The following DNAI2 variants were observed in gnomAD, a reference collection of about 807,000 sequenced individuals.
DNAI2 encodes dynein, axonemal, intermediate polypeptide 2.
A neutral mutation model predicts 74.7 loss-of-function variants in DNAI2; 63 were observed. The ratio of observed to expected loss-of-function variants is 0.84; its 90% CI spans 0.69 to 1.04. The LOEUF (loss-of-function observed/expected upper bound fraction) is 1.04, where lower values mean the gene tolerates loss of function less well. DNAI2 is among the 50% of genes least tolerant of loss of function. The pLI is 0.00. For synonymous variants in DNAI2, 289 were observed against 314.9 expected (o/e 0.92, Z 0.87); for missense variants, 688 against 803.2 (o/e 0.86, Z 1.73).
chr17:74,312,655 C>T (rs143664787), intron 12 of DNAI2, among the ~76,000 whole-genome samples: 2 of 152,272 alleles, frequency 1.3e-5, no homozygotes, highest in East Asian at 3.9e-4. Flanking sequence ...GCTGGCTTAC[C>T]CAGGTTTGGT....
rs761171314 is a variant in DNAI2 at position 74,289,715 on chromosome 17, G to A, written c.589G>A (p.Asp197Asn). The change falls in exon 5 of 14, where the codon GAT (aspartate) becomes AAT (asparagine). Residue 197 changes from aspartate (D) to asparagine (N), a missense_variant. Transcript: ENST00000311014. The stretch of plus-strand genomic sequence containing the variant: ...GCGGGCACCTGTGGGCATGAGCAGC[G>A]ATTCATACATCTGGGACCTGGGTGA... Reference protein sequence around the residue: ...FQRAPVGMSSDSYIWDLENPN... With the variant: ...FQRAPVGMSSNSYIWDLENPN... 25 of 1,613,876 alleles carry A rather than the reference G, an allele frequency of 1.5e-5. No individual in the cohort carries two copies. Among genetic ancestry groups the A allele is most frequent in the East Asian group, 6.7e-5 (3 of 44,880 alleles).
intron 9 of DNAI2, among the ~76,000 whole-genome samples, chr17:74,306,344 C>G (rs1035264029): frequency 1.5e-4 from 23 of 152,194 alleles, no homozygotes; most frequent in Admixed American, 6.5e-5. Flanking sequence ...CCTTTCTCCT[C>G]CTCCCCTTCA....
In DNAI2 at chr17:74,309,358, C is replaced by A. The variant is rs199524166; in HGVS notation, c.1317C>A (p.Phe439Leu). ...CCCTGGATATCTGGGACTTCATGTT[C>A]GAGCAGTGCGATCCCACCCTCAGCT... is the stretch of plus-strand genomic sequence containing the variant. ...DGTLDIWDFM[F>L]EQCDPTLSLK... The change falls in exon 10 of 14, where the codon TTC becomes TTA. Residue 439 changes from phenylalanine to leucine, a missense_variant. By Grantham distance (22) the Phe-to-Leu change is conservative (BLOSUM62 0). Transcript: ENST00000311014. 168 of 1,614,006 alleles carry A rather than the reference C, an allele frequency of 1.0e-4. No individual in the cohort carries two copies. The highest frequency in any genetic ancestry group is 1.3e-4 in the Non-Finnish European group (159 of 1,180,040).
Position 74,302,082 on chromosome 17 carries a change from G to A in DNAI2, c.987+914G>A, listed in dbSNP as rs867068757. On this transcript the variant is annotated intron_variant, in intron 8 of 13. Transcript: ENST00000311014. ...AGGAAGGAAGGAAAGAAGGAAGGAA[G>A]GAAGGAAGGAAGGAAGGAAGGAAGG... Among the ~76,000 whole-genome samples the A allele has an allele frequency of 8.8e-5, 8 of 91,278 alleles. 1 individual carries two copies. Among genetic ancestry groups the A allele is most frequent in the African/African-American group, 2.7e-4 (6 of 22,132 alleles). The allele number at this position is 91,278 out of a possible 152,430, so 59.9% of individuals were successfully genotyped here. A position where few individuals can be genotyped will look rare whatever the true frequency, so the allele number is the denominator to read the frequency against.
chr17:74,283,958 T>C lies in DNAI2; in HGVS notation c.184-1082T>C, dbSNP rs187429098. ...TTCAAAACCAGCCTGGCCAACATGG[T>C]GAAACCCCGTCTCTACTAAAAATAC... On this transcript the variant is annotated intron_variant, in intron 2 of 13. Coordinates refer to ENST00000311014, the MANE Select transcript of DNAI2 (RefSeq NM_023036.6). Among the ~76,000 whole-genome samples the C allele has an allele frequency of 4.5e-4, 68 of 152,014 alleles. No homozygotes were observed. The East Asian group carries it at 0.012, about 27-fold the overall frequency.
intron 1 of DNAI2, among the ~76,000 whole-genome samples, chr17:74,279,908 G>A (rs1176000622): frequency 6.6e-6 from 1 of 152,164 alleles, no homozygotes; most frequent in Non-Finnish European, 1.5e-5. Flanking sequence ...CCTCCCACCA[G>A]CACCAGCCAC....
rs570488188 is a variant in DNAI2, at chr17:74,298,716, C to T, written c.725-1002C>T. ...CTCCCAGGCTCAAGCAATTCTCCCA[C>T]CTCAGCCTCCCGAGTAGCAGGCAGC... On this transcript the variant is annotated intron_variant, in intron 6 of 13. Coordinates refer to ENST00000311014, the MANE Select transcript of DNAI2 (RefSeq NM_023036.6). Among the ~76,000 whole-genome samples the T allele has an allele frequency of 1.5e-4, 23 of 152,302 alleles. No individual in the cohort carries two copies. In the South Asian group the frequency reaches 3.9e-3, roughly 26 times the overall value.
rs533594899 is a variant in DNAI2, at chr17:74,288,692, A to G, written c.468-902A>G. 2.6e-5 allele frequency among the ~76,000 whole-genome samples: 4 copies of G among 152,284 alleles called. No individual in the cohort carries two copies. In the East Asian group the frequency reaches 7.7e-4, roughly 29 times the overall value. ...AGAGCTTGGGAACAGGGATGGGGAG[A>G]AGCCTGGGGAAGAAGGACTCCTCGG... On this transcript the variant is annotated intron_variant, in intron 4 of 13. Transcript: ENST00000311014.
chr17:74,277,571 G>C (rs938432328), intron 1 of DNAI2, among the ~76,000 whole-genome samples: 1 of 152,170 alleles, frequency 6.6e-6, no homozygotes, highest in Non-Finnish European at 1.5e-5. Context: ...TGCCCCAGCT[G>C]CTCCAGGGCC....
In DNAI2 at chr17:74,314,832, A is replaced by G. The variant is rs189443329; in HGVS notation, c.*299A>G. On this transcript the variant is annotated 3_prime_UTR_variant, in exon 14 of 14. Transcript: ENST00000311014. Reference sequence around the variant, plus strand: ...AGCTTGGCTGTTCTGCTGCACCTGAATGCTTTCTGTTATCCTAATTCTTGT... The same window carrying G: ...AGCTTGGCTGTTCTGCTGCACCTGAGTGCTTTCTGTTATCCTAATTCTTGT... 1.9e-3 allele frequency: 309 copies of G among 166,416 alleles called. 1 individual carries two copies. The highest frequency in any genetic ancestry group is 4.8e-4 in the Non-Finnish European group (36 of 74,574). 10.3% of individuals were successfully genotyped at this position (166,416 alleles called of 1,614,324 possible).
In DNAI2 at chr17:74,314,198, G is replaced by A. The variant is rs1460210937; in HGVS notation, c.1800G>A (p.Val600=). The A allele has an allele frequency of 5.6e-6, 9 of 1,614,168 alleles. No homozygotes were observed. Among genetic ancestry groups the A allele is most frequent in the Non-Finnish European group, 7.6e-6 (9 of 1,179,994 alleles). Residue 600 remains valine, a synonymous_variant, in exon 13 of 14, where the codon GTG becomes GTA. Coordinates refer to ENST00000311014, the MANE Select transcript of DNAI2 (RefSeq NM_023036.6). ...CGGGGGAAGAAGGGGATGAAGAAGTGGAAGAAGACTTAGCCTAGAAGTCAG... is the reference window on the plus strand; with the variant it reads ...CGGGGGAAGAAGGGGATGAAGAAGTAGAAGAAGACTTAGCCTAGAAGTCAG... ...EAAGEEGDEE[V]EEDLA is the part of the protein sequence containing the mutation.
rs923429665 is a variant in DNAI2 at position 74,305,518 on chromosome 17, G to C, written c.1211+76G>C. The C allele has an allele frequency of 2.2e-6, 3 of 1,387,756 alleles. No individual in the cohort carries two copies. The African/African-American group carries it at 4.3e-5, about 20-fold the overall frequency. The allele number at this position is 1,387,756 out of a possible 1,614,324, so 86.0% of individuals were successfully genotyped here. On this transcript the variant is annotated intron_variant, in intron 9 of 13. Coordinates refer to ENST00000311014, the MANE Select transcript of DNAI2 (RefSeq NM_023036.6). Reference sequence around the variant, plus strand: ...GGAGGGAGCCCAGCTGGGCCCCGGAGAGTCCCGAGCCTCCATATGTAAAAT... The same window carrying C: ...GGAGGGAGCCCAGCTGGGCCCCGGACAGTCCCGAGCCTCCATATGTAAAAT...
intron 12 of DNAI2, 107 bp downstream of exon 12, chr17:74,312,337 CT>C: frequency 2.5e-6 from 2 of 815,480 alleles, no homozygotes; most frequent in Non-Finnish European, 4.0e-6. Flanking sequence ...AGCAAGTAGT[CT>C]TACCTGCTAG....
Position 74,305,383 on chromosome 17 carries a change from C to A in DNAI2, c.1152C>A (p.Gly384=). ...PFYPKNFLTV[G]DWTARIWSED... ...ACCCGAAGAACTTCCTGACGGTTGG[C>A]GACTGGACAGCCCGCATTTGGTCTG... Residue 384 remains glycine (G), a synonymous_variant, in exon 9 of 14, where the codon GGC becomes GGA. Coordinates refer to ENST00000311014, the MANE Select transcript of DNAI2 (RefSeq NM_023036.6). 1 of 1,614,154 alleles carries A rather than the reference C, an allele frequency of 6.2e-7. No individual in the cohort carries two copies. Among genetic ancestry groups the A allele is most frequent in the Non-Finnish European group, 8.5e-7 (1 of 1,180,040 alleles).
chr17:74,276,160 G>A (rs998008795), intron 1 of DNAI2, among the ~76,000 whole-genome samples: 2 of 152,130 alleles, frequency 1.3e-5, no homozygotes, highest in African/African-American at 4.8e-5. Flanking sequence ...TTAAGCCACC[G>A]GAGGTTCTCT....
chr17:74,305,175 G>T, intron 8 of DNAI2, 44 bp from the exon 9 acceptor site: 1 of 1,603,434 alleles, frequency 6.2e-7, no homozygotes, highest in Non-Finnish European at 8.5e-7. Flanking sequence ...TCCCAGAATT[G>T]ATGGTTCGTG....
At chr17:74,283,215 T>C (rs1598273440) in intron 2 of DNAI2, among the ~76,000 whole-genome samples, 1 of 152,244 alleles carries the variant, frequency 6.6e-6, no homozygotes, top group Non-Finnish European at 1.5e-5. Flanking sequence ...GTGGGGTTGA[T>C]GGTTGCACAG....
intron 8 of DNAI2, 145 bp from the exon 9 acceptor site, chr17:74,305,074 A>C: frequency 2.5e-6 from 2 of 804,846 alleles, no homozygotes; most frequent in Non-Finnish European, 4.1e-6. Context: ...ACTGCTCTCC[A>C]GGAGGGGCCA....
At chr17:74,290,342 A>G (rs1348411813) in intron 5 of DNAI2, among the ~76,000 whole-genome samples, 2 of 152,136 alleles carry the variant, frequency 1.3e-5, no homozygotes, top group African/African-American at 4.8e-5. Context: ...CAGAGTGCCC[A>G]GCAGACTGAG....
Sources: gnomAD v4.1 joint callset for allele counts (sites outside exome capture counted in the v4.1 genomes callset) on GRCh38, gnomAD v4.1.1 for gene constraint, MANE v1.5 for transcripts, NCBI Gene and HGNC (gene_info 2026-07-23, HGNC 2026-07-21) for gene names.